Variants in TBX5 observed in about 807,000 individuals in gnomAD.
TBX5 encodes the protein T-box transcription factor TBX5.
Under a neutral mutation model 51.1 loss-of-function variants are expected in TBX5, and 8 were observed. The ratio of observed to expected loss-of-function variants is 0.16; its 90% CI spans 0.09 to 0.28. The LOEUF (loss-of-function observed/expected upper bound fraction) is 0.28, where lower values mean the gene tolerates loss of function less well. TBX5 is among the 10% of genes least tolerant of loss of function. The pLI, the probability that TBX5 is intolerant of heterozygous loss-of-function variation, is 1.00. For missense variants in TBX5, 589 were observed against 671.7 expected, an observed-to-expected ratio of 0.88 and a Z score of 1.36; for synonymous variants, 302 against 266.4, an observed-to-expected ratio of 1.13 and a Z score of -1.30.
intron 6 of TBX5, among the ~76,000 whole-genome samples, chr12:114,392,632 GA>G (rs1871221028): frequency 1.3e-5 from 2 of 152,090 alleles, no homozygotes; most frequent in African/African-American, 4.8e-5. Context: ...GGTAGAGGGG[GA>G]AAAGATCTCA....
At chr12:114,385,295 C>T (rs917202128) in intron 7 of TBX5, among the ~76,000 whole-genome samples, 181 bp downstream of exon 7, 2 of 152,174 alleles carry the variant, frequency 1.3e-5, no homozygotes, top group African/African-American at 4.8e-5. Context: ...CCCAATGGCG[C>T]CAACCACATG....
chr12:114,385,418 AC>A lies in TBX5; in HGVS notation c.755+57del, dbSNP rs1359935904. The stretch of plus-strand genomic sequence containing the variant: ...GGAGGTGCTGGGTTGCTGCTGGCTT[AC>A]CTGGGTAATTTGAGGGGTATGTGGG... On this transcript the variant is annotated intron_variant, in intron 7 of 8. Coordinates refer to ENST00000405440, the MANE Select transcript of TBX5 (RefSeq NM_181486.4). The A allele has an allele frequency of 4.0e-6, 6 of 1,502,538 alleles. No homozygotes were observed. In the African/African-American group the frequency reaches 5.5e-5, roughly 14 times the overall value. 93.1% of individuals were successfully genotyped at this position (1,502,538 alleles called of 1,614,324 possible).
chr12:114,406,830 C>T (rs1265854884), upstream of TBX5, among the ~76,000 whole-genome samples: 1 of 151,784 alleles, frequency 6.6e-6, no homozygotes, highest in South Asian at 2.1e-4. Context: ...CTCTCCTTGC[C>T]CTTTCCCTCT....
chr12:114,408,380 CAGA>C, upstream of TBX5: 1 of 205,808 alleles, frequency 4.9e-6, no homozygotes, highest in Non-Finnish European at 8.5e-6. Context: ...GAGTCCACCT[CAGA>C]CCTCTATTGG....
chr12:114,372,977 TACATAC>T (rs1036054890), intron 7 of TBX5, among the ~76,000 whole-genome samples: 2 of 103,616 alleles, frequency 1.9e-5, no homozygotes, highest in East Asian at 8.3e-4. Flanking sequence ...CGAATATATA[TACATAC>T]ACACACACAC....
chr12:114,356,249 G>A (rs1868910674), intron 8 of TBX5, 143 bp from the exon 9 acceptor site: 3 of 844,838 alleles, frequency 3.6e-6, no homozygotes, highest in Non-Finnish European at 5.8e-6. Context: ...CAAAAAAAGG[G>A]GGTTGGATTG....
chr12:114,378,518 C>T (rs1188932911), intron 7 of TBX5, among the ~76,000 whole-genome samples: 1 of 152,244 alleles, frequency 6.6e-6, no homozygotes, highest in East Asian at 1.9e-4. Context: ...GTGCTGTGTG[C>T]TTCCATGCCT....
chr12:114,370,733 C>A (rs1180508456), intron 7 of TBX5, among the ~76,000 whole-genome samples: 1 of 80,804 alleles, frequency 1.2e-5, no homozygotes, highest in Non-Finnish European at 3.0e-5. Context: ...CTTATGACCT[C>A]ATTTAACCTT....
chr12:114,377,794 T>C (rs964270081), intron 7 of TBX5, among the ~76,000 whole-genome samples: 9 of 152,060 alleles, frequency 5.9e-5, no homozygotes, highest in Non-Finnish European at 1.2e-4. Context: ...AAAGGAGTCT[T>C]GCACCCATTT....
In TBX5 at chr12:114,355,788, G is replaced by T; in HGVS notation, c.1301C>A (p.Pro434His). ...CATGCCAGCCAGCCGAGGGACCAGG[G>T]GCCCCGAGGTGAAGTGAGCGGAGAA... ...QHFSAHFTSG[P>H]LVPRLAGMAN... The change falls in exon 9 of 9, where the codon CCC becomes CAC. Residue 434 changes from proline to histidine, a missense_variant. Pro to His is a moderately conservative substitution (Grantham distance 77). Transcript: ENST00000405440. 6.2e-7 allele frequency: 1 copy of T among 1,614,186 alleles called. No individual in the cohort carries two copies. The highest frequency in any genetic ancestry group is 8.5e-7 in the Non-Finnish European group (1 of 1,180,040).
At chr12:114,389,529 C>T (rs554018674) in intron 6 of TBX5, among the ~76,000 whole-genome samples, 109 of 150,044 alleles carry the variant, frequency 7.3e-4, no homozygotes, top group Admixed American at 1.3e-3. Context: ...CAGAGGCGGG[C>T]GGATCACGAG....
intron 6 of TBX5, among the ~76,000 whole-genome samples, chr12:114,388,472 A>T (rs12299365): frequency 0.58 from 88,040 of 151,224 alleles, 26,180 homozygotes; most frequent in Admixed American, 0.72. Flanking sequence ...AAGTATTTTT[A>T]AAAATTATTT....
intron 7 of TBX5, among the ~76,000 whole-genome samples, chr12:114,384,070 T>C (rs1327850080): frequency 6.6e-6 from 1 of 152,210 alleles, no homozygotes; most frequent in Non-Finnish European, 1.5e-5. Context: ...ACTGACCCTA[T>C]GGCCCAATCA....
chr12:114,366,452 G>T, intron 7 of TBX5, 61 bp from the exon 8 acceptor site: 1 of 1,535,130 alleles, frequency 6.5e-7, no homozygotes, highest in Non-Finnish European at 9.0e-7. Flanking sequence ...TTCCTGAGTG[G>T]CTGAACCAGG....
At chr12:114,367,447 G>A (rs79341707) in intron 7 of TBX5, among the ~76,000 whole-genome samples, 3,864 of 152,120 alleles carry the variant, frequency 0.025, 167 homozygotes, top group African/African-American at 0.087. Flanking sequence ...CCCTCAGTGT[G>A]CTCAAAATCT....
At position 114,355,415 on chromosome 12, in the gene TBX5, G is replaced by A; in HGVS notation, c.*117C>T. 7.6e-7 allele frequency: 1 copy of A among 1,317,558 alleles called. No individual in the cohort carries two copies. Among genetic ancestry groups the A allele is most frequent in the Non-Finnish European group, 1.1e-6 (1 of 940,432 alleles). 81.6% of individuals were successfully genotyped at this position (1,317,558 alleles called of 1,614,324 possible). A position where few individuals can be genotyped will look rare whatever the true frequency, so the allele number is the denominator to read the frequency against. ...CCTTGAGTGCAGATGTGAACATTGGGTGAAATGAAAAATCTTGTCCGTGGG... is the reference window on the plus strand; with the variant it reads ...CCTTGAGTGCAGATGTGAACATTGGATGAAATGAAAAATCTTGTCCGTGGG... On this transcript the variant is annotated 3_prime_UTR_variant, in exon 9 of 9. Transcript: ENST00000405440.
chr12:114,403,858 G>C lies in TBX5; in HGVS notation c.41C>G (p.Pro14Arg). Reference protein sequence around the residue: ...ADEGFGLAHTPLEPDAKDLPC... With the variant: ...ADEGFGLAHTRLEPDAKDLPC... The stretch of plus-strand genomic sequence containing the variant: ...CAGGTCTTTTGCGTCAGGCTCCAGA[G>C]GCGTGTGCGCCAGGCCAAAGCCCTC... The change falls in exon 2 of 9, where the codon CCT (proline) becomes CGT (arginine). Residue 14 changes from proline (P) to arginine (R), a missense_variant. Physicochemically the swap from Pro to Arg is moderately radical, Grantham distance 103. Transcript: ENST00000405440. The C allele has an allele frequency of 6.2e-7, 1 of 1,613,890 alleles. No homozygotes were observed. Among genetic ancestry groups the C allele is most frequent in the Non-Finnish European group, 8.5e-7 (1 of 1,179,992 alleles).
In TBX5 at chr12:114,404,191, A is replaced by G. The variant is rs2113436; in HGVS notation, c.-38-255T>C. Among the ~76,000 whole-genome samples, 104,753 of 152,050 alleles carry G rather than the reference A, an allele frequency of 0.69. 37,940 individuals carry two copies. Among genetic ancestry groups the G allele is most frequent in the East Asian group, 0.98 (5,070 of 5,156 alleles). On this transcript the variant is annotated intron_variant, in intron 1 of 8. Transcript: ENST00000405440. ...CAAAAGACCCGCGTCAGACCCGGAG[A>G]AGGTGAGGCCCGCATCTCCCCTGCG...
chr12:114,391,491 T>C (rs967332384), intron 6 of TBX5, among the ~76,000 whole-genome samples: 4 of 152,210 alleles, frequency 2.6e-5, no homozygotes, highest in Non-Finnish European at 5.9e-5. Context: ...GCTAGCTCTC[T>C]GCCAGGTCCC....
Sources: gnomAD v4.1 joint callset for allele counts (sites outside exome capture counted in the v4.1 genomes callset) on GRCh38, gnomAD v4.1.1 for gene constraint, MANE v1.5 for transcripts, NCBI Gene and HGNC (gene_info 2026-07-23, HGNC 2026-07-21) for gene names.